FILIP1: variants seen among roughly 807,000 people sequenced by gnomAD.
FILIP1 encodes the protein filamin-A-interacting protein 1.
A neutral mutation model predicts 102.1 loss-of-function variants in FILIP1; 61 were observed. The observed-to-expected ratio is 0.60, with a 90% CI of 0.49 to 0.74. FILIP1 has a LOEUF of 0.74. Ranked by LOEUF, FILIP1 falls within the 30% of genes least tolerant of loss-of-function variation. FILIP1 has a pLI of 0.00. For missense variants in FILIP1, 1,314 were observed against 1,441.2 expected, an observed-to-expected ratio of 0.91 and a Z score of 1.43; for synonymous variants, 491 against 526.9, an observed-to-expected ratio of 0.93 and a Z score of 0.93.
intron 6 of FILIP1, among the ~76,000 whole-genome samples, chr6:75,302,823 C>CATGATATATGAT: frequency 6.7e-6 from 1 of 149,216 alleles, no homozygotes; most frequent in African/African-American, 2.5e-5. Context: ...TATGATATGA[C>CATGATATATGAT]ATGATATGAT....
chr6:75,321,666 C>T (rs1279400214), intron 4 of FILIP1, among the ~76,000 whole-genome samples: 2 of 152,088 alleles, frequency 1.3e-5, no homozygotes, highest in Non-Finnish European at 2.9e-5. Flanking sequence ...CGGTGGCGGG[C>T]GCCTGTAGTC....
chr6:75,349,733 G>T (rs1774722169), intron 4 of FILIP1, among the ~76,000 whole-genome samples: 3 of 152,162 alleles, frequency 2.0e-5, no homozygotes, highest in Admixed American at 2.0e-4. Context: ...TTGCGCCTCG[G>T]CGGGAGCCTC....
At chr6:75,489,237 G>C (rs1377302637) in intron 1 of FILIP1, among the ~76,000 whole-genome samples, 1 of 152,022 alleles carries the variant, frequency 6.6e-6, no homozygotes, top group Non-Finnish European at 1.5e-5. Context: ...TTTAGTAATG[G>C]TTCTATAAGA....
intron 1 of FILIP1, among the ~76,000 whole-genome samples, chr6:75,430,600 C>T (rs1328166726): frequency 1.3e-5 from 2 of 152,124 alleles, no homozygotes; most frequent in East Asian, 1.9e-4. Context: ...GTCTACAAAA[C>T]AGACATTTAA....
chr6:75,303,946 A>G (rs1772913560), downstream of FILIP1, among the ~76,000 whole-genome samples: 1 of 152,102 alleles, frequency 6.6e-6, no homozygotes, highest in Admixed American at 6.6e-5. Context: ...ACCAGTCCAG[A>G]CTGAATATGG....
At chr6:75,399,591 G>A (rs1335390605) in intron 2 of FILIP1, among the ~76,000 whole-genome samples, 1 of 152,140 alleles carries the variant, frequency 6.6e-6, no homozygotes, top group African/African-American at 2.4e-5. Flanking sequence ...GGAGATTCAT[G>A]CTGAAACAAA....
At chr6:75,453,562 G>A (rs1018316822) in intron 1 of FILIP1, among the ~76,000 whole-genome samples, 2 of 152,184 alleles carry the variant, frequency 1.3e-5, no homozygotes, top group African/African-American at 4.8e-5. Context: ...TGTAATCCCA[G>A]CACTTTGGGA....
At chr6:75,430,701 C>A (rs1050766373) in intron 1 of FILIP1, among the ~76,000 whole-genome samples, 12 of 152,174 alleles carry the variant, frequency 7.9e-5, no homozygotes, top group Admixed American at 7.2e-4. Flanking sequence ...AAATTAGTGG[C>A]AGTCTCATAT....
intron 4 of FILIP1, among the ~76,000 whole-genome samples, chr6:75,328,405 G>C (rs1226666351): frequency 6.6e-6 from 1 of 152,170 alleles, no homozygotes; most frequent in African/African-American, 2.4e-5. Context: ...ATTAATTGTT[G>C]AAGATTATTG....
intron 1 of FILIP1, among the ~76,000 whole-genome samples, chr6:75,482,644 C>T (rs77036669): frequency 0.011 from 1,713 of 152,304 alleles, 33 homozygotes; most frequent in African/African-American, 0.039. Context: ...TTCTGTGATA[C>T]TCTAGTGAAC....
At chr6:75,320,617 T>G (rs993286383) in intron 4 of FILIP1, among the ~76,000 whole-genome samples, 4 of 152,112 alleles carry the variant, frequency 2.6e-5, no homozygotes, top group African/African-American at 9.7e-5. Context: ...ATCTGGAAAT[T>G]ACCTAAATAG....
In FILIP1 at chr6:75,411,896, C is replaced by T. The variant is rs373157324; in HGVS notation, c.276+2801G>A. ...TTTGCTTAGGATTGTCTTGGCTATG[C>T]AGGCTCTTTTTTGGTTCCATATGGA... On this transcript the variant is annotated intron_variant, in intron 2 of 5. Transcript: ENST00000237172. 5.2e-4 allele frequency among the ~76,000 whole-genome samples: 79 copies of T among 152,192 alleles called. No individual in the cohort carries two copies. In the East Asian group the frequency reaches 6.0e-3, roughly 12 times the overall value.
intron 1 of FILIP1, among the ~76,000 whole-genome samples, chr6:75,465,973 T>C (rs1216394017): frequency 6.6e-6 from 1 of 152,192 alleles, no homozygotes; most frequent in East Asian, 1.9e-4. Flanking sequence ...GCCATCGCGC[T>C]GTTCCTCGAA....
intron 1 of FILIP1, among the ~76,000 whole-genome samples, chr6:75,472,912 A>G (rs1045933584): frequency 1.3e-5 from 2 of 152,210 alleles, no homozygotes; most frequent in African/African-American, 2.4e-5. Context: ...CTTAAGCCTC[A>G]TAAAGATTGA....
chr6:75,347,973 T>C (rs1774649036), intron 4 of FILIP1, among the ~76,000 whole-genome samples: 1 of 152,084 alleles, frequency 6.6e-6, no homozygotes, highest in South Asian at 2.1e-4. Context: ...TAATTATTTA[T>C]GTAGTCCCAG....
At chr6:75,310,505 T>A (rs777008548) in intron 5 of FILIP1, among the ~76,000 whole-genome samples, 26 of 152,228 alleles carry the variant, frequency 1.7e-4, no homozygotes, top group Non-Finnish European at 3.2e-4. Context: ...TTTTATGAGA[T>A]CTGATATACT....
At chr6:75,324,199 C>T (rs2078261646) in intron 4 of FILIP1, among the ~76,000 whole-genome samples, 1 of 152,084 alleles carries the variant, frequency 6.6e-6, no homozygotes, top group Admixed American at 6.6e-5. Context: ...AGTAAAGTCT[C>T]AGGATACAAA....
intron 2 of FILIP1, among the ~76,000 whole-genome samples, chr6:75,363,270 A>G (rs1258307036): frequency 2.6e-5 from 4 of 152,192 alleles, no homozygotes; most frequent in Admixed American, 6.5e-5. Context: ...GGTCAATGAC[A>G]GTCTAAAATC....
chr6:75,466,203 T>C (rs1209802627), intron 1 of FILIP1, among the ~76,000 whole-genome samples: 1 of 152,216 alleles, frequency 6.6e-6, no homozygotes, highest in African/African-American at 2.4e-5. Flanking sequence ...CCTAATTTAT[T>C]TTTTATTTTT....
Sources: allele counts gnomAD v4.1 joint callset (sites outside exome capture counted in the v4.1 genomes callset), GRCh38; gene constraint gnomAD v4.1.1; transcripts MANE v1.5; gene names NCBI Gene and HGNC (gene_info 2026-07-23, HGNC 2026-07-21).